The following LARP4 variants were observed in gnomAD, a reference collection of about 807,000 sequenced individuals.
LARP4 encodes La ribonucleoprotein 4.
Under a neutral mutation model 92.9 loss-of-function variants are expected in LARP4, and 29 were observed. The ratio of observed to expected loss-of-function variants is 0.31; its 90% CI spans 0.23 to 0.43. The LOEUF is 0.43. Ranked by LOEUF, LARP4 falls within the 20% of genes least tolerant of loss-of-function variation. The pLI is 1.00. For synonymous variants in LARP4, 279 were observed against 284.1 expected, an observed-to-expected ratio of 0.98 and a Z score of 0.18; for missense variants, 732 against 860.0, an observed-to-expected ratio of 0.85 and a Z score of 1.86.
In LARP4 at chr12:50,464,791, A is replaced by G. The variant is rs552789411; in HGVS notation, c.1383+2161A>G. Among the ~76,000 whole-genome samples, 4 of 152,072 alleles carry G rather than the reference A, an allele frequency of 2.6e-5. No individual in the cohort carries two copies. The South Asian group carries it at 6.2e-4, about 24-fold the overall frequency. Reference sequence around the variant, plus strand: ...CTGCAACCTCTGCCTCCTGGGTTCAAGTGATTCTCTTGCCTCAGTCTCCCA... The same window carrying G: ...CTGCAACCTCTGCCTCCTGGGTTCAGGTGATTCTCTTGCCTCAGTCTCCCA... On this transcript the variant is annotated intron_variant, in intron 12 of 15. Coordinates refer to ENST00000398473, the MANE Select transcript of LARP4 (RefSeq NM_052879.5).
intron 8 of LARP4, among the ~76,000 whole-genome samples, chr12:50,444,255 ATTTTT>A (rs59821030): frequency 6.6e-6 from 1 of 151,506 alleles, no homozygotes. Context: ...TGTCTTACTG[ATTTTT>A]TTTAATGTTT....
At position 50,477,834 on chromosome 12, in the gene LARP4, T is replaced by C. The variant is rs1957639868; in HGVS notation, c.*1970T>C. The C allele has an allele frequency of 6.5e-6, 1 of 152,676 alleles. No individual in the cohort carries two copies. The highest frequency in any genetic ancestry group is 3.4e-3 in the Middle Eastern group (1 of 294). The allele number at this position is 152,676 out of a possible 1,614,324, so 9.5% of individuals were successfully genotyped here. ...GAAGTTTAGGTCCTTTAAAAAAACA[T>C]ATTAATCATTGACTACATCTATGAT... On this transcript the variant is annotated 3_prime_UTR_variant, in exon 16 of 16. Coordinates refer to ENST00000398473, the MANE Select transcript of LARP4 (RefSeq NM_052879.5).
intron 12 of LARP4, 42 bp from the exon 13 acceptor site, chr12:50,466,917 T>C (rs747567064): frequency 6.5e-7 from 1 of 1,548,892 alleles, no homozygotes; most frequent in Non-Finnish European, 8.9e-7. Context: ...GATTAGGGAA[T>C]GAGATAGCCA....
At chr12:50,472,417 A>G in intron 13 of LARP4, among the ~76,000 whole-genome samples, 1 of 152,056 alleles carries the variant, frequency 6.6e-6, no homozygotes, top group East Asian at 1.9e-4. Flanking sequence ...AGAATCATAC[A>G]GTATTTGTCT....
At chr12:50,470,686 G>A (rs576170426) in intron 13 of LARP4, among the ~76,000 whole-genome samples, 5 of 152,016 alleles carry the variant, frequency 3.3e-5, no homozygotes, top group South Asian at 2.1e-4. Flanking sequence ...CACCGTGCCC[G>A]GCCATGTATG....
chr12:50,453,833 A>G (rs558996839), intron 9 of LARP4, among the ~76,000 whole-genome samples, 161 bp downstream of exon 9: 2 of 151,916 alleles, frequency 1.3e-5, no homozygotes, highest in East Asian at 1.9e-4. Context: ...GAATTTTGCC[A>G]TGTTGCCCAG....
rs185435519 is a variant in LARP4, at chr12:50,439,169, G to A, written c.640-1270G>A. 1.2e-3 allele frequency among the ~76,000 whole-genome samples: 183 copies of A among 152,172 alleles called. 2 individuals carry two copies. The highest frequency in any genetic ancestry group is 4.1e-3 in the African/African-American group (170 of 41,530). ...GCCTAGGCTGTTCTCAAGCCTCTGC[G>A]CTCAAGCAATCTGTGCACCTTGGCC... is the stretch of plus-strand genomic sequence containing the variant. On this transcript the variant is annotated intron_variant, in intron 6 of 15. Coordinates refer to ENST00000398473, the MANE Select transcript of LARP4 (RefSeq NM_052879.5).
chr12:50,448,522 A>G (rs1952595476), intron 8 of LARP4, among the ~76,000 whole-genome samples: 1 of 152,100 alleles, frequency 6.6e-6, no homozygotes. Flanking sequence ...ATCTCTATCA[A>G]GAGGGATTCT....
intron 6 of LARP4, among the ~76,000 whole-genome samples, chr12:50,438,664 G>A (rs1270843243): frequency 6.6e-6 from 1 of 152,158 alleles, no homozygotes; most frequent in African/African-American, 2.4e-5. Flanking sequence ...TTATTACTTT[G>A]CAATTATTTA....
At chr12:50,420,653 C>CT (rs1947591794) in intron 1 of LARP4, 2 of 152,124 alleles carry the variant, frequency 1.3e-5, no homozygotes, top group Admixed American at 1.3e-4. Context: ...ACAGGAATGT[C>CT]TTTAAAGTGC....
intron 7 of LARP4, chr12:50,441,388 A>G (rs1009292482): frequency 2.4e-6 from 1 of 417,362 alleles, no homozygotes; most frequent in Non-Finnish European, 4.3e-6. Flanking sequence ...GCAGTAATCC[A>G]TGGTGGCTTT....
In LARP4 at chr12:50,473,449, C is replaced by T. The variant is rs1316629085; in HGVS notation, c.1580C>T (p.Pro527Leu). The part of the protein sequence containing the change: ...NEELTISCPV[P>L]ADEQTECTSA... ...GAGTTGACAATTAGTTGCCCAGTGC[C>T]TGCAGATGAGCAGACAGAATGCACT... The change falls in exon 14 of 16, where the codon CCT becomes CTT. Residue 527 changes from proline to leucine, a missense_variant. Physicochemically the swap from Pro to Leu is moderately conservative, Grantham distance 98. Around this residue, in one of 7 missense-constraint regions of LARP4, gnomAD observed 8 missense variants for 23.9 expected, o/e 0.33. Coordinates refer to ENST00000398473, the MANE Select transcript of LARP4 (RefSeq NM_052879.5). The T allele has an allele frequency of 6.2e-7, 1 of 1,613,414 alleles. No homozygotes were observed. The highest frequency in any genetic ancestry group is 2.2e-5 in the East Asian group (1 of 44,870).
rs569858840 is a variant in LARP4 at position 50,479,876 on chromosome 12, G to A, written c.*4012G>A. The A allele has an allele frequency of 9.2e-5, 14 of 152,472 alleles. No individual in the cohort carries two copies. The highest frequency in any genetic ancestry group is 9.2e-4 in the Admixed American group (14 of 15,260). 9.4% of individuals were successfully genotyped at this position (152,472 alleles called of 1,614,324 possible). ...TGTCAAAACTGTTACCCCCAAAATT[G>A]GTGTGACACATGCTCATGCATAAAA... On this transcript the variant is annotated 3_prime_UTR_variant, in exon 16 of 16. Coordinates refer to ENST00000398473, the MANE Select transcript of LARP4 (RefSeq NM_052879.5).
chr12:50,423,586 T>C (rs780416662), intron 1 of LARP4, among the ~76,000 whole-genome samples: 10 of 150,992 alleles, frequency 6.6e-5, no homozygotes, highest in Non-Finnish European at 1.2e-4. Context: ...GTAGCTGAGA[T>C]TACAGGTGCA....
At chr12:50,422,822 A>C (rs923631065) in intron 1 of LARP4, among the ~76,000 whole-genome samples, 1 of 132,636 alleles carries the variant, frequency 7.5e-6, no homozygotes, top group African/African-American at 2.9e-5. Context: ...TATTATTATT[A>C]TTATTATTAT....
intron 10 of LARP4, among the ~76,000 whole-genome samples, chr12:50,456,718 C>T (rs1040492783): frequency 1.3e-5 from 2 of 152,032 alleles, no homozygotes; most frequent in African/African-American, 4.8e-5. Context: ...CATTCTTTCT[C>T]TCTTTTGCCT....
At chr12:50,446,886 C>T (rs1055960156) in intron 8 of LARP4, among the ~76,000 whole-genome samples, 1 of 152,012 alleles carries the variant, frequency 6.6e-6, no homozygotes, top group African/African-American at 2.4e-5. Flanking sequence ...TCAAGGTTGG[C>T]CATAATTGAT....
chr12:50,406,341 T>C (rs1393243964), intron 1 of LARP4, among the ~76,000 whole-genome samples: 1 of 128,784 alleles, frequency 7.8e-6, no homozygotes, highest in Non-Finnish European at 1.6e-5. Flanking sequence ...TTTAAAAAAT[T>C]AGCCAGGCCT....
chr12:50,415,957 T>G (rs1946711119), intron 1 of LARP4: 1 of 151,932 alleles, frequency 6.6e-6, no homozygotes, highest in Non-Finnish European at 1.5e-5. Flanking sequence ...TCCACTCACC[T>G]TGGACCCCCA....
Sources: allele counts gnomAD v4.1 joint callset (sites outside exome capture counted in the v4.1 genomes callset), GRCh38; gene constraint gnomAD v4.1.1; regional missense constraint gnomAD v4.1.1; transcripts MANE v1.5; gene names NCBI Gene and HGNC (gene_info 2026-07-23, HGNC 2026-07-21).